The following PP2D1 variants were observed in gnomAD, a reference collection of about 807,000 sequenced individuals.
The protein encoded by PP2D1 is protein phosphatase 2C-like domain-containing protein 1.
In PP2D1, 25 loss-of-function variants were observed where a neutral mutation model predicts 30.2. The observed-to-expected ratio is 0.83, with a 90% CI of 0.60 to 1.16. PP2D1 has a LOEUF of 1.16. Ranked by LOEUF, PP2D1 falls within the 50% of genes most tolerant of loss-of-function variation. PP2D1 has a pLI of 0.00. For missense variants in PP2D1, 760 were observed against 742.4 expected (o/e 1.02, Z -0.28); for synonymous variants, 260 against 258.9 (o/e 1.00, Z -0.04).
rs777534046 is a variant in PP2D1, at chr3:19,985,908, A to G, written c.1365T>C (p.Asn455=). 37 of 1,536,368 alleles carry G rather than the reference A, an allele frequency of 2.4e-5. No homozygotes were observed. Among genetic ancestry groups the G allele is most frequent in the African/African-American group, 5.5e-5 (4 of 73,060 alleles). ...DLCQFLIVAT[N]GLWEVLDKEE... is the part of the protein sequence containing the mutation. ...CTTTATCCAAAACTTCCCAAAGTCC[A>G]TTAGTAGCTACAATAAGGAATTGAC... Residue 455 remains asparagine, a synonymous_variant, in exon 3 of 3, where the codon AAT becomes AAC. Transcript: ENST00000389050.
chr3:19,987,340 T>C (rs1191811245), intron 2 of PP2D1, among the ~76,000 whole-genome samples: 1 of 152,100 alleles, frequency 6.6e-6, no homozygotes, highest in African/African-American at 2.4e-5. Context: ...TTTTTAGGAA[T>C]ATAATTACGT....
At chr3:19,985,240 A>G, downstream of PP2D1, 19 of 649,000 alleles carry the variant, frequency 2.9e-5, 1 homozygote, top group South Asian at 4.0e-4. Context: ...ATGATACTAT[A>G]TGACCTAGTA....
intron 2 of PP2D1, 28 bp from the exon 3 acceptor site, chr3:19,986,210 A>AT: frequency 7.1e-7 from 1 of 1,411,552 alleles, no homozygotes; most frequent in African/African-American, 1.4e-5. Flanking sequence ...AAAAGAAGAA[A>AT]TTTTTATCCT....
intron 2 of PP2D1, among the ~76,000 whole-genome samples, chr3:19,993,189 A>G (rs1356460095): frequency 6.6e-6 from 1 of 152,222 alleles, no homozygotes; most frequent in East Asian, 1.9e-4. Context: ...CCTCATTAAA[A>G]AGAATTATTA....
chr3:19,985,740 G>C lies in PP2D1; in HGVS notation c.1533C>G (p.Ile511Met). The C allele has an allele frequency of 1.3e-6, 2 of 1,535,872 alleles. No individual in the cohort carries two copies. The highest frequency in any genetic ancestry group is 1.7e-6 in the Non-Finnish European group (2 of 1,146,722). ...CAGATTTATACTGAAACAATACGTGGATATTACTCTGTGATTTAGTAAGGT... is the reference window on the plus strand; with the variant it reads ...CAGATTTATACTGAAACAATACGTGCATATTACTCTGTGATTTAGTAAGGT... ...EPNLTKSQSN[I>M]HVLFQYKSVS... Residue 511 changes from isoleucine to methionine, a missense_variant, in exon 3 of 3, where the codon ATC becomes ATG. Physicochemically the swap from Ile to Met is conservative, Grantham distance 10. Transcript: ENST00000389050.
chr3:20,007,925 C>A, intron 1 of PP2D1: 1 of 223,222 alleles, frequency 4.5e-6, no homozygotes, highest in South Asian at 8.0e-5. Flanking sequence ...AATCACCAGT[C>A]CCCTTTCTGC....
downstream of PP2D1, among the ~76,000 whole-genome samples, chr3:19,980,815 G>A (rs1696911340): frequency 6.6e-6 from 1 of 152,140 alleles, no homozygotes; most frequent in Admixed American, 6.6e-5. Flanking sequence ...CAGAGAAGTG[G>A]CCCAATTGAA....
chr3:19,998,407 A>G (rs1697210110), intron 2 of PP2D1, among the ~76,000 whole-genome samples: 1 of 152,206 alleles, frequency 6.6e-6, no homozygotes, highest in Non-Finnish European at 1.5e-5. Flanking sequence ...TAGGGTGACT[A>G]TAGTTAACAA....
intron 1 of PP2D1, among the ~76,000 whole-genome samples, chr3:20,009,810 G>T (rs1356612065): frequency 6.6e-6 from 1 of 152,120 alleles, no homozygotes; most frequent in Non-Finnish European, 1.5e-5. Context: ...CACTTTATTT[G>T]TATTTAATTC....
intron 1 of PP2D1, among the ~76,000 whole-genome samples, chr3:20,006,139 G>C (rs535405879): frequency 6.6e-6 from 1 of 151,688 alleles, no homozygotes; most frequent in Non-Finnish European, 1.5e-5. Context: ...TCAGCTACTC[G>C]GGAGGCTGAG....
At chr3:20,006,844 T>A (rs2125147127) in intron 1 of PP2D1, among the ~76,000 whole-genome samples, 1 of 152,036 alleles carries the variant, frequency 6.6e-6, no homozygotes, top group South Asian at 2.1e-4. Flanking sequence ...TTGTGTGATC[T>A]GGGCTCACTG....
At chr3:20,006,972 TAC>T (rs1199491623) in intron 1 of PP2D1, among the ~76,000 whole-genome samples, 1 of 147,964 alleles carries the variant, frequency 6.8e-6, no homozygotes, top group South Asian at 2.2e-4. Context: ...TACATATATA[TAC>T]ACACATATAT....
chr3:20,005,893 A>T lies in PP2D1; in HGVS notation c.24-3797T>A, dbSNP rs1344482386. Among the ~76,000 whole-genome samples the T allele has an allele frequency of 3.3e-5, 5 of 152,174 alleles. No homozygotes were observed. In the East Asian group the frequency reaches 7.7e-4, roughly 23 times the overall value. ...AAGCCATTGTACTCCAGCCTGGGCA[A>T]CAAACCCCAGCCCCAATAGTAATTA... On this transcript the variant is annotated intron_variant, in intron 1 of 2. Transcript: ENST00000389050.
At chr3:19,983,609 G>C (rs1696975073), downstream of PP2D1, 3 of 785,674 alleles carry the variant, frequency 3.8e-6, no homozygotes, top group South Asian at 3.1e-5. Context: ...TGATACTTTG[G>C]GGGTAACCTA....
At chr3:19,985,084 A>G, downstream of PP2D1, 2 of 287,996 alleles carry the variant, frequency 6.9e-6, no homozygotes, top group Non-Finnish European at 1.3e-5. Context: ...GAACTTGTAC[A>G]TTTATGATAA....
downstream of PP2D1, chr3:19,984,831 C>A (rs975464992): frequency 6.5e-6 from 1 of 152,856 alleles, no homozygotes; most frequent in Non-Finnish European, 1.5e-5. Flanking sequence ...TCTCTCTCCC[C>A]CTTTGACAGG....
At chr3:20,002,228 C>T (rs1235095516) in intron 1 of PP2D1, 132 bp from the exon 2 acceptor site, 1 of 621,020 alleles carries the variant, frequency 1.6e-6, no homozygotes, top group Non-Finnish European at 2.8e-6. Context: ...TATTCTGAGT[C>T]ATATTTCTCA....
intron 1 of PP2D1, among the ~76,000 whole-genome samples, chr3:20,004,461 C>A (rs10222385): frequency 6.6e-6 from 1 of 152,040 alleles, no homozygotes; most frequent in Non-Finnish European, 1.5e-5. Flanking sequence ...CCTTAAAACA[C>A]TTGTGTTCTA....
chr3:19,990,277 T>C (rs1697099856), intron 2 of PP2D1, among the ~76,000 whole-genome samples: 1 of 152,128 alleles, frequency 6.6e-6, no homozygotes, highest in South Asian at 2.1e-4. Context: ...TCCCGAGAGC[T>C]GGGACTAAAG....
Sources: gnomAD v4.1 joint callset for allele counts (sites outside exome capture counted in the v4.1 genomes callset) on GRCh38, gnomAD v4.1.1 for gene constraint, MANE v1.5 for transcripts, NCBI Gene and HGNC (gene_info 2026-07-23, HGNC 2026-07-21) for gene names.